PPP2R2B: variants seen among roughly 807,000 people sequenced by gnomAD.
The protein encoded by PPP2R2B is protein phosphatase 2 regulatory subunit Bbeta.
PPP2R2B carries 5 observed loss-of-function variants against 46.0 expected under a neutral mutation model. The ratio of observed to expected loss-of-function variants is 0.11; its 90% CI spans 0.06 to 0.23. The LOEUF (loss-of-function observed/expected upper bound fraction) is 0.23. Ranked by LOEUF, PPP2R2B falls within the 10% of genes least tolerant of loss-of-function variation. PPP2R2B has a pLI of 1.00. For missense variants in PPP2R2B, 367 were observed against 575.0 expected, an observed-to-expected ratio of 0.64 and a Z score of 3.70; for synonymous variants, 215 against 206.7, an observed-to-expected ratio of 1.04 and a Z score of -0.34.
At chr5:146,900,433 T>C (rs1762788975) in intron 1 of PPP2R2B, among the ~76,000 whole-genome samples, 1 of 152,156 alleles carries the variant, frequency 6.6e-6, no homozygotes, top group Non-Finnish European at 1.5e-5. Flanking sequence ...GAACATTATG[T>C]CATTGTTGCT....
At chr5:146,899,312 A>G (rs887409806) in intron 1 of PPP2R2B, among the ~76,000 whole-genome samples, 1 of 148,770 alleles carries the variant, frequency 6.7e-6, no homozygotes, top group Admixed American at 6.7e-5. Context: ...TGATGAGTTC[A>G]TGTCCTTTGT....
rs1173451202 is a variant in PPP2R2B at position 146,707,001 on chromosome 5, G to A, written c.71-5859C>T. ...AAGACTCCAGCTCTACCTCGTTAATGTAAGCTTCATCCACATCCTTCTTGA... is the reference window on the plus strand; with the variant it reads ...AAGACTCCAGCTCTACCTCGTTAATATAAGCTTCATCCACATCCTTCTTGA... On this transcript the variant is annotated intron_variant, in intron 2 of 9. Transcript: ENST00000394411. 6.1e-6 allele frequency: 6 copies of A among 987,918 alleles called. No homozygotes were observed. The African/African-American group carries it at 9.5e-5, about 16-fold the overall frequency. The allele number at this position is 987,918 out of a possible 1,614,324, so 61.2% of individuals were successfully genotyped here.
Position 146,633,637 on chromosome 5 carries a change from G to A in PPP2R2B, c.790+4614C>T, listed in dbSNP as rs536245586. Among the ~76,000 whole-genome samples the A allele has an allele frequency of 5.9e-5, 9 of 152,352 alleles. No individual in the cohort carries two copies. In the East Asian group the frequency reaches 1.5e-3, roughly 26 times the overall value. The stretch of plus-strand genomic sequence containing the variant: ...TCAGAACTCTGTTGGTGTTGGAATA[G>A]GGAGTGGGAGGACAGGGCTGGGCAG... On this transcript the variant is annotated intron_variant, in intron 7 of 9. Coordinates refer to ENST00000394411, the MANE Select transcript of PPP2R2B (RefSeq NM_181675.4).
At chr5:147,065,922 A>G (rs1391700212) in intron 2 of PPP2R2B, among the ~76,000 whole-genome samples, 1 of 152,002 alleles carries the variant, frequency 6.6e-6, no homozygotes, top group Non-Finnish European at 1.5e-5. Flanking sequence ...AAATCTTGTA[A>G]CATCCCTGTG....
intron 1 of PPP2R2B, among the ~76,000 whole-genome samples, chr5:146,916,998 G>A (rs1482192523): frequency 1.3e-5 from 2 of 152,050 alleles, no homozygotes; most frequent in East Asian, 1.9e-4. Flanking sequence ...GTAAGAAAAC[G>A]AAGGTAAAGT....
At chr5:146,874,231 C>A (rs1344350126) in intron 2 of PPP2R2B, among the ~76,000 whole-genome samples, 1 of 152,136 alleles carries the variant, frequency 6.6e-6, no homozygotes, top group African/African-American at 2.4e-5. Flanking sequence ...TTGAAAGATC[C>A]CTGAGGACAG....
At chr5:146,715,073 A>G (rs1007710461) in intron 2 of PPP2R2B, among the ~76,000 whole-genome samples, 2 of 152,128 alleles carry the variant, frequency 1.3e-5, no homozygotes, top group Non-Finnish European at 2.9e-5. Flanking sequence ...AACTTTCACC[A>G]GTATCCTTAA....
exon 1 of PPP2R2B, chr5:147,055,841 T>A (rs1298788568): frequency 7.3e-6 from 11 of 1,504,968 alleles, no homozygotes; most frequent in Admixed American, 4.3e-5. Flanking sequence ...CCAATATGTT[T>A]ATGTAGGTTC....
At position 146,650,647 on chromosome 5, in the gene PPP2R2B, G is replaced by A; in HGVS notation, c.525C>T (p.His175=). 6.2e-7 allele frequency: 1 copy of A among 1,614,076 alleles called. No individual in the cohort carries two copies. The highest frequency in any genetic ancestry group is 8.5e-7 in the Non-Finnish European group (1 of 1,179,974). ...CGCTGTTGACAGATATGGAGTTGAT[G>A]TGATATGTGTGTGCGTTGGCAAATA... ...RRVFANAHTY[H]INSISVNSDY... is the part of the protein sequence containing the mutation. Residue 175 remains histidine, a synonymous_variant, in exon 6 of 10, where the codon CAC becomes CAT. Transcript: ENST00000394411.
At chr5:146,706,775 A>G (rs979207503) in intron 2 of PPP2R2B, 5 of 812,660 alleles carry the variant, frequency 6.2e-6, no homozygotes, top group African/African-American at 1.7e-5. Context: ...GATCTGATAC[A>G]TGCTCTCGGC....
chr5:146,795,817 G>C (rs1270095295), intron 2 of PPP2R2B, among the ~76,000 whole-genome samples: 1 of 152,034 alleles, frequency 6.6e-6, no homozygotes, highest in Non-Finnish European at 1.5e-5. Flanking sequence ...AGCTGAAAAA[G>C]TCAATTTGCA....
chr5:146,772,432 A>G (rs1011488697), intron 2 of PPP2R2B, among the ~76,000 whole-genome samples: 215 of 118,282 alleles, frequency 1.8e-3, no homozygotes, highest in African/African-American at 6.6e-3. Flanking sequence ...ATATATATAT[A>G]CTTATTTCTA....
chr5:146,781,173 TATAA>T (rs1311674960), intron 2 of PPP2R2B, among the ~76,000 whole-genome samples: 2 of 116,940 alleles, frequency 1.7e-5, no homozygotes, highest in African/African-American at 3.3e-5. Context: ...TATATATATA[TATAA>T]AATTATTCTC....
At chr5:146,705,458 G>A (rs988151688) in intron 2 of PPP2R2B, among the ~76,000 whole-genome samples, 2 of 152,184 alleles carry the variant, frequency 1.3e-5, no homozygotes, top group African/African-American at 2.4e-5. Context: ...TGGGTGGTGG[G>A]GGAGGTAGGA....
chr5:146,674,708 G>A (rs192961824), intron 5 of PPP2R2B, among the ~76,000 whole-genome samples: 260 of 152,304 alleles, frequency 1.7e-3, no homozygotes, highest in African/African-American at 6.1e-3. Flanking sequence ...GGACAAACAT[G>A]TGGCTCCCTT....
At chr5:146,619,599 A>AT (rs1398873297) in intron 7 of PPP2R2B, among the ~76,000 whole-genome samples, 1 of 152,206 alleles carries the variant, frequency 6.6e-6, no homozygotes, top group African/African-American at 2.4e-5. Context: ...AGGAACTCTA[A>AT]TTTTTTCATG....
intron 1 of PPP2R2B, chr5:147,055,652 C>T (rs1329602493): frequency 6.3e-7 from 1 of 1,598,194 alleles, no homozygotes; most frequent in Non-Finnish European, 8.6e-7. Context: ...CACTCTCCCT[C>T]TCTGGTCTGT....
chr5:146,738,452 T>C lies in PPP2R2B; in HGVS notation c.71-37310A>G, dbSNP rs1752675531. Among the ~76,000 whole-genome samples, 11 of 151,858 alleles carry C rather than the reference T, an allele frequency of 7.2e-5. 1 individual carries two copies. On this transcript the variant is annotated intron_variant, in intron 2 of 9. Transcript: ENST00000394411. ...CACAGAAAAACTAGTTGGAAGTGAC[T>C]TTAAACGTCATCTTATTTTATTCAT...
At chr5:146,822,634 T>A (rs1021610372) in intron 2 of PPP2R2B, among the ~76,000 whole-genome samples, 2 of 151,494 alleles carry the variant, frequency 1.3e-5, no homozygotes, top group African/African-American at 4.8e-5. Context: ...TAACTTGTCC[T>A]AATCTCTCCA....
Sources: allele counts gnomAD v4.1 joint callset (sites outside exome capture counted in the v4.1 genomes callset), GRCh38; gene constraint gnomAD v4.1.1; transcripts MANE v1.5; gene names NCBI Gene and HGNC (gene_info 2026-07-23, HGNC 2026-07-21).